The following ARHGAP10 variants were observed in gnomAD, a reference collection of about 807,000 sequenced individuals.
The protein encoded by ARHGAP10 is rho GTPase-activating protein 10.
Under a neutral mutation model 108.6 loss-of-function variants are expected in ARHGAP10, and 87 were observed. The ratio of observed to expected loss-of-function variants is 0.80; its 90% confidence interval spans 0.67 to 0.96. The LOEUF (loss-of-function observed/expected upper bound fraction) is 0.96, where lower values mean the gene tolerates loss of function less well. ARHGAP10 is among the 40% of genes least tolerant of loss of function. The probability of loss-of-function intolerance (pLI) is 0.00; values close to 1 mark genes in which losing one functional copy is unlikely to be tolerated. For synonymous variants in ARHGAP10, 347 were observed against 341.1 expected (o/e 1.02, Z -0.19); for missense variants, 939 against 954.5 (o/e 0.98, Z 0.21).
chr4:148,062,189 G>A (rs563414636), intron 20 of ARHGAP10, among the ~76,000 whole-genome samples: 2 of 152,336 alleles, frequency 1.3e-5, no homozygotes, highest in African/African-American at 2.4e-5. Context: ...GTGTCACCGT[G>A]TTGGAGGATT....
chr4:147,778,309 T>A, intron 1 of ARHGAP10, among the ~76,000 whole-genome samples: 1 of 152,170 alleles, frequency 6.6e-6, no homozygotes, highest in Non-Finnish European at 1.5e-5. Context: ...CCTAGTGTAA[T>A]TGGGGGGTTA....
At chr4:147,882,617 G>T (rs1053341997) in intron 10 of ARHGAP10, among the ~76,000 whole-genome samples, 9 of 152,142 alleles carry the variant, frequency 5.9e-5, no homozygotes, top group Non-Finnish European at 8.8e-5. Context: ...TTTGTGTGTG[G>T]GGGGGTTTTC....
chr4:147,759,591 C>G (rs1043742868), intron 1 of ARHGAP10, among the ~76,000 whole-genome samples: 26 of 148,130 alleles, frequency 1.8e-4, no homozygotes, highest in African/African-American at 2.6e-4. Context: ...CCCCCCCCCC[C>G]CTTTAAAAAG....
intron 18 of ARHGAP10, among the ~76,000 whole-genome samples, chr4:147,974,529 C>G (rs946300151): frequency 6.6e-6 from 1 of 152,060 alleles, no homozygotes; most frequent in African/African-American, 2.4e-5. Flanking sequence ...CTCAGAATTA[C>G]TTAATATAAG....
At chr4:147,890,948 GA>G (rs1735775220) in intron 10 of ARHGAP10, among the ~76,000 whole-genome samples, 1 of 152,148 alleles carries the variant, frequency 6.6e-6, no homozygotes, top group Admixed American at 6.6e-5. Context: ...TATCTACTAG[GA>G]TGGCTATAAA....
chr4:147,910,912 C>A (rs1396701886), intron 12 of ARHGAP10, among the ~76,000 whole-genome samples: 1 of 152,034 alleles, frequency 6.6e-6, no homozygotes, highest in South Asian at 2.1e-4. Flanking sequence ...AGCAGCACAT[C>A]CCCTGAGGCA....
Position 147,864,189 on chromosome 4 carries a change from T to C in ARHGAP10, c.487-657T>C, listed in dbSNP as rs1312201617. ...TCCTGCTCTTCTCCCAGTTCCTTTC[T>C]AGTTAGGCAAGCTAAGCTGGAAGCT... is the stretch of plus-strand genomic sequence containing the variant. On this transcript the variant is annotated intron_variant, in intron 5 of 22. Coordinates refer to ENST00000336498, the MANE Select transcript of ARHGAP10 (RefSeq NM_024605.4). The C allele has an allele frequency of 2.6e-5, 4 of 152,378 alleles. No individual in the cohort carries two copies. The East Asian group carries it at 7.7e-4, about 29-fold the overall frequency. 9.4% of individuals were successfully genotyped at this position (152,378 alleles called of 1,614,324 possible).
chr4:147,974,747 C>T (rs1444850361), intron 18 of ARHGAP10, among the ~76,000 whole-genome samples: 1 of 152,124 alleles, frequency 6.6e-6, no homozygotes, highest in East Asian at 1.9e-4. Flanking sequence ...ATACCCAAGA[C>T]TGGGAAATTT....
intron 1 of ARHGAP10, among the ~76,000 whole-genome samples, chr4:147,767,600 C>T (rs1357235224): frequency 6.6e-6 from 1 of 151,920 alleles, no homozygotes; most frequent in Non-Finnish European, 1.5e-5. Flanking sequence ...ACCTGTAGTC[C>T]CAGTTACTTG....
intron 10 of ARHGAP10, among the ~76,000 whole-genome samples, chr4:147,892,965 T>C (rs1292632206): frequency 1.3e-5 from 2 of 152,088 alleles, no homozygotes; most frequent in Non-Finnish European, 2.9e-5. Flanking sequence ...CATCATCTGC[T>C]CCAAAATGTC....
chr4:148,002,555 G>A (rs1578779106), intron 18 of ARHGAP10, among the ~76,000 whole-genome samples: 1 of 152,154 alleles, frequency 6.6e-6, no homozygotes, highest in Non-Finnish European at 1.5e-5. Flanking sequence ...GACTTTTTTT[G>A]GTTGGTAGGC....
At chr4:148,067,353 G>C (rs150482099) in intron 22 of ARHGAP10, among the ~76,000 whole-genome samples, 4 of 152,214 alleles carry the variant, frequency 2.6e-5, no homozygotes, top group Admixed American at 6.5e-5. Flanking sequence ...TTAAAAGCAG[G>C]TGCTTGCCCA....
chr4:147,895,983 A>G lies in ARHGAP10; in HGVS notation c.1035-10655A>G, dbSNP rs557126062. Among the ~76,000 whole-genome samples, 18 of 152,312 alleles carry G rather than the reference A, an allele frequency of 1.2e-4. 1 individual carries two copies. The highest frequency in any genetic ancestry group is 4.3e-4 in the African/African-American group (18 of 41,566). ...ATGTTTCTCAGTGTCTCTTGAAATG[A>G]TCATTAAATATGTTTCTTTAATCTT... On this transcript the variant is annotated intron_variant, in intron 10 of 22. Transcript: ENST00000336498.
chr4:147,798,775 CTCTCTCTATATA>C (rs1272123756), intron 1 of ARHGAP10, among the ~76,000 whole-genome samples: 5 of 4,346 alleles, frequency 1.2e-3, no homozygotes, highest in African/African-American at 1.5e-3. Context: ...CTCTCTCTCT[CTCTCTCTATATA>C]TATATATATA....
intron 3 of ARHGAP10, among the ~76,000 whole-genome samples, chr4:147,827,151 A>G (rs765049589): frequency 1.3e-5 from 2 of 151,872 alleles, no homozygotes; most frequent in Non-Finnish European, 2.9e-5. Flanking sequence ...TTGTTTGGGT[A>G]CTTCTCATCT....
intron 11 of ARHGAP10, among the ~76,000 whole-genome samples, chr4:147,908,433 G>T (rs2126912962): frequency 6.6e-6 from 1 of 152,278 alleles, no homozygotes; most frequent in Admixed American, 6.5e-5. Context: ...CCTTCAAGAC[G>T]TATATAACCT....
In ARHGAP10 at chr4:147,732,325, C is replaced by A; in HGVS notation, c.24C>A (p.Phe8Leu). The A allele has an allele frequency of 6.2e-7, 1 of 1,612,756 alleles. No homozygotes were observed. The highest frequency in any genetic ancestry group is 8.5e-7 in the Non-Finnish European group (1 of 1,179,328). Residue 8 changes from phenylalanine (F) to leucine (L), a missense_variant, in exon 1 of 23, where the codon TTC becomes TTA. By Grantham distance (22) the Phe-to-Leu change is conservative (BLOSUM62 0). Coordinates refer to ENST00000336498, the MANE Select transcript of ARHGAP10 (RefSeq NM_024605.4). ...TCATGGGGCTGCAGCCCCTGGAGTT[C>A]AGCGACTGCTACCTCGACAGCCCGT... MGLQPLE[F>L]SDCYLDSPWF...
chr4:148,034,956 G>A (rs564733109), intron 19 of ARHGAP10, among the ~76,000 whole-genome samples: 19 of 152,296 alleles, frequency 1.2e-4, no homozygotes, highest in African/African-American at 4.3e-4. Context: ...TTGCTTTGTA[G>A]AGTAAAGCAA....
At chr4:148,060,426 C>G (rs1462780182) in intron 20 of ARHGAP10, among the ~76,000 whole-genome samples, 1 of 144,904 alleles carries the variant, frequency 6.9e-6, no homozygotes, top group Admixed American at 7.1e-5. Flanking sequence ...ATGGCATCAT[C>G]TGACGTGTAC....
Sources: allele counts gnomAD v4.1 joint callset (sites outside exome capture counted in the v4.1 genomes callset), GRCh38; gene constraint gnomAD v4.1.1; transcripts MANE v1.5; gene names NCBI Gene and HGNC (gene_info 2026-07-23, HGNC 2026-07-21).